The following RAB6A variants were observed in gnomAD, a reference collection of about 807,000 sequenced individuals.
RAB6A encodes the protein ras-related protein Rab-6A.
In RAB6A, 8 loss-of-function variants were observed where a neutral mutation model predicts 32.3. That is an observed-to-expected ratio of 0.25 (90% CI 0.15 to 0.45). The LOEUF (loss-of-function observed/expected upper bound fraction) is 0.45. Among genes scored for constraint, RAB6A ranks in the 20% least tolerant of loss-of-function variants. The pLI is 1.00. For synonymous variants in RAB6A, 73 were observed against 82.1 expected (o/e 0.89, Z 0.60); for missense variants, 104 against 249.4 (o/e 0.42, Z 3.93).
At chr11:73,694,167 A>C (rs2134890915) in intron 6 of RAB6A, among the ~76,000 whole-genome samples, 1 of 152,292 alleles carries the variant, frequency 6.6e-6, no homozygotes, top group East Asian at 1.9e-4. Flanking sequence ...GATGATTCTA[A>C]TGTGCAGCTA....
chr11:73,754,094 G>A (rs983904906), intron 1 of RAB6A, among the ~76,000 whole-genome samples: 5 of 152,084 alleles, frequency 3.3e-5, no homozygotes, highest in African/African-American at 1.2e-4. Flanking sequence ...GGAAAAATGG[G>A]GCATAAAGAC....
chr11:73,759,634 A>G (rs1313616934), intron 1 of RAB6A, among the ~76,000 whole-genome samples: 2 of 152,166 alleles, frequency 1.3e-5, no homozygotes, highest in South Asian at 2.1e-4. Context: ...TCAATATATC[A>G]TTGGAAAATA....
intron 1 of RAB6A, chr11:73,759,967 C>A: frequency 8.3e-7 from 1 of 1,208,496 alleles, no homozygotes; most frequent in Non-Finnish European, 1.1e-6. Context: ...GTCTCCAATT[C>A]AGATGTTTCC....
intron 1 of RAB6A, among the ~76,000 whole-genome samples, chr11:73,736,061 T>G (rs982669844): frequency 2.0e-5 from 3 of 151,442 alleles, no homozygotes; most frequent in African/African-American, 7.3e-5. Context: ...TGGGTTGAAA[T>G]AATCCTCTGA....
chr11:73,739,280 A>ATACATATATATATAT (rs1389085059), intron 1 of RAB6A, among the ~76,000 whole-genome samples: 6 of 18,422 alleles, frequency 3.3e-4, no homozygotes, highest in African/African-American at 7.1e-4. Context: ...AAAAAAAAAA[A>ATACATATATATATAT]AAAAATATAT....
intron 2 of RAB6A, among the ~76,000 whole-genome samples, chr11:73,725,092 A>G (rs1312311417): frequency 6.6e-6 from 1 of 152,226 alleles, no homozygotes; most frequent in Non-Finnish European, 1.5e-5. Context: ...AAAGAGGATT[A>G]GTACAAATAC....
intron 1 of RAB6A, among the ~76,000 whole-genome samples, chr11:73,740,008 G>T (rs908914833): frequency 6.6e-6 from 1 of 150,856 alleles, no homozygotes; most frequent in African/African-American, 2.4e-5. Flanking sequence ...GCAGTGAGCC[G>T]AGACTGCGCC....
intron 6 of RAB6A, among the ~76,000 whole-genome samples, chr11:73,682,013 G>C (rs1712867428): frequency 6.6e-6 from 1 of 152,142 alleles, no homozygotes; most frequent in South Asian, 2.1e-4. Flanking sequence ...GTAAGACTTT[G>C]AATTGCGGAA....
At chr11:73,698,517 G>C (rs1462342913) in intron 6 of RAB6A, among the ~76,000 whole-genome samples, 1 of 152,196 alleles carries the variant, frequency 6.6e-6, no homozygotes, top group Non-Finnish European at 1.5e-5. Context: ...CTAGCAGATA[G>C]TATTTAGGCA....
intron 1 of RAB6A, among the ~76,000 whole-genome samples, chr11:73,734,960 C>T (rs1051058005): frequency 2.6e-5 from 4 of 152,152 alleles, no homozygotes; most frequent in African/African-American, 9.7e-5. Context: ...ATGAGAAATG[C>T]TCCAATGAGC....
intron 5 of RAB6A, among the ~76,000 whole-genome samples, chr11:73,711,482 C>G (rs1285392738): frequency 6.6e-6 from 1 of 152,058 alleles, no homozygotes. Flanking sequence ...AAAGGATGTT[C>G]GTAAGTTTGT....
chr11:73,693,876 G>A (rs1945615344), intron 6 of RAB6A, among the ~76,000 whole-genome samples: 1 of 151,242 alleles, frequency 6.6e-6, no homozygotes, highest in South Asian at 2.1e-4. Context: ...AAAAAAAAAA[G>A]CTAGGTAAGA....
intron 6 of RAB6A, among the ~76,000 whole-genome samples, chr11:73,703,645 G>A (rs1355753723): frequency 6.6e-6 from 1 of 152,216 alleles, no homozygotes; most frequent in Admixed American, 6.5e-5. Context: ...AGGAGGCTGA[G>A]GCATGAGAAT....
chr11:73,686,629 T>G (rs578123896), intron 6 of RAB6A, among the ~76,000 whole-genome samples: 1 of 152,120 alleles, frequency 6.6e-6, no homozygotes, highest in South Asian at 2.1e-4. Flanking sequence ...GAGGGAGGCA[T>G]AGGAAAGGTT....
intron 6 of RAB6A, among the ~76,000 whole-genome samples, chr11:73,684,172 T>G (rs1411415951): frequency 4.0e-5 from 6 of 151,190 alleles, no homozygotes; most frequent in African/African-American, 1.5e-4. Flanking sequence ...ATTGTTGTTT[T>G]TTTTTTTTTT....
At chr11:73,685,908 A>AAAAAAAAT in intron 6 of RAB6A, among the ~76,000 whole-genome samples, 3 of 140,820 alleles carry the variant, frequency 2.1e-5, no homozygotes, top group Admixed American at 7.3e-5. Context: ...AAAAAAAAAA[A>AAAAAAAAT]GCAGCTTTAT....
chr11:73,741,358 G>C (rs1264142564), intron 1 of RAB6A, among the ~76,000 whole-genome samples: 1 of 151,984 alleles, frequency 6.6e-6, no homozygotes, highest in East Asian at 1.9e-4. Flanking sequence ...GGCTGGTCTT[G>C]AACTCCTGAC....
At chr11:73,756,796 C>T (rs12282345) in intron 1 of RAB6A, among the ~76,000 whole-genome samples, 1,644 of 152,280 alleles carry the variant, frequency 0.011, 25 homozygotes, top group African/African-American at 0.035. Flanking sequence ...GCCTCAGCCT[C>T]CTGAGTAGCT....
At chr11:73,740,734 C>T (rs1296974196) in intron 1 of RAB6A, among the ~76,000 whole-genome samples, 1 of 151,876 alleles carries the variant, frequency 6.6e-6, no homozygotes, top group Admixed American at 6.6e-5. Flanking sequence ...ACTAAAAATA[C>T]AAAATTGGCC....
Sources: gnomAD v4.1 joint callset for allele counts (sites outside exome capture counted in the v4.1 genomes callset) on GRCh38, gnomAD v4.1.1 for gene constraint, MANE v1.5 for transcripts, NCBI Gene and HGNC (gene_info 2026-07-23, HGNC 2026-07-21) for gene names.